The following FILIP1L variants were observed in gnomAD, a reference collection of about 807,000 sequenced individuals.
FILIP1L encodes the protein filamin A interacting protein 1 like.
A neutral mutation model predicts 96.6 loss-of-function variants in FILIP1L; 55 were observed. The ratio of observed to expected loss-of-function variants is 0.57; its 90% CI spans 0.46 to 0.71. FILIP1L has a LOEUF of 0.71. Ranked by LOEUF, FILIP1L falls within the 30% of genes least tolerant of loss-of-function variation. The probability of loss-of-function intolerance (pLI) is 0.00; values close to 1 mark genes in which losing one functional copy is unlikely to be tolerated. For synonymous variants in FILIP1L, 467 were observed against 473.9 expected, an observed-to-expected ratio of 0.99 and a Z score of 0.19; for missense variants, 1,304 against 1,321.2, an observed-to-expected ratio of 0.99 and a Z score of 0.20.
intron 4 of FILIP1L, chr3:99,876,313 C>T (rs944816819): frequency 5.4e-6 from 3 of 560,666 alleles, no homozygotes; most frequent in African/African-American, 4.1e-5. Context: ...CAGCCACACA[C>T]CCCAGCTCCC....
At chr3:99,969,511 A>G (rs1386025439) in intron 1 of FILIP1L, among the ~76,000 whole-genome samples, 1 of 152,194 alleles carries the variant, frequency 6.6e-6, no homozygotes, top group African/African-American at 2.4e-5. Context: ...CTACGTTTGA[A>G]TTGATTCTAA....
At chr3:99,839,905 G>A (rs1295544728) in intron 5 of FILIP1L, among the ~76,000 whole-genome samples, 3 of 152,266 alleles carry the variant, frequency 2.0e-5, no homozygotes, top group African/African-American at 7.2e-5. Context: ...TTCCCACAGT[G>A]TTATATAAGA....
chr3:99,998,110 G>A (rs1475301746), intron 1 of FILIP1L, among the ~76,000 whole-genome samples: 2 of 152,158 alleles, frequency 1.3e-5, no homozygotes, highest in East Asian at 3.8e-4. Context: ...CGGAAATTCA[G>A]AATCATAGTG....
chr3:99,983,741 G>T lies in FILIP1L; in HGVS notation c.-10-52711C>A, dbSNP rs186644458. ...ACCACATTATTTACCTAGAATCTCT[G>T]TTTCCAACTGTTCAGACCCCAATAT... is the stretch of plus-strand genomic sequence containing the variant. On this transcript the variant is annotated intron_variant, in intron 1 of 5. Transcript: ENST00000477258. Among the ~76,000 whole-genome samples the T allele has an allele frequency of 6.0e-5, 9 of 150,242 alleles. No homozygotes were observed. The East Asian group carries it at 1.7e-3, about 29-fold the overall frequency.
chr3:100,105,319 A>G (rs2066375855), intron 1 of FILIP1L, among the ~76,000 whole-genome samples: 1 of 152,192 alleles, frequency 6.6e-6, no homozygotes, highest in Non-Finnish European at 1.5e-5. Flanking sequence ...TACTCAGGAA[A>G]GACATGAGCA....
At chr3:99,912,951 C>G (rs933953057) in intron 4 of FILIP1L, among the ~76,000 whole-genome samples, 3 of 152,084 alleles carry the variant, frequency 2.0e-5, no homozygotes, top group Admixed American at 2.0e-4. Flanking sequence ...AATCATAACT[C>G]CCAATGTGAT....
At chr3:100,095,080 T>C (rs1258571812) in intron 1 of FILIP1L, among the ~76,000 whole-genome samples, 1 of 152,222 alleles carries the variant, frequency 6.6e-6, no homozygotes, top group East Asian at 1.9e-4. Context: ...TTCTCTGTTC[T>C]TTTTCATTGA....
chr3:99,947,509 C>G (rs1221746341), intron 1 of FILIP1L, among the ~76,000 whole-genome samples: 2 of 152,128 alleles, frequency 1.3e-5, no homozygotes, highest in Non-Finnish European at 2.9e-5. Flanking sequence ...CCAGAAGGGA[C>G]CCAGAGCTAA....
intron 1 of FILIP1L, among the ~76,000 whole-genome samples, chr3:100,005,305 C>T (rs569494131): frequency 1.3e-5 from 2 of 152,286 alleles, no homozygotes; most frequent in African/African-American, 2.4e-5. Context: ...TGACTACTGT[C>T]ACTCAAACAG....
intron 4 of FILIP1L, among the ~76,000 whole-genome samples, chr3:99,911,315 A>G (rs768996613): frequency 6.7e-6 from 1 of 148,340 alleles, no homozygotes; most frequent in Non-Finnish European, 1.5e-5. Flanking sequence ...TTGTTATTAT[A>G]TATTATATAA....
In FILIP1L at chr3:99,930,781, C is replaced by T. The variant is rs1206436447; in HGVS notation, c.240G>A (p.Glu80=). Residue 80 remains glutamate (E), a synonymous_variant, in exon 2 of 6, where the codon GAG becomes GAA. Coordinates refer to ENST00000477258, the MANE Select transcript of FILIP1L (RefSeq NM_001387850.1). ...DDLLFLLSIL[E]GELQARDEVI... is the part of the protein sequence containing the mutation. Reference sequence around the variant, plus strand: ...CAACCCAGCTGACCTGCAGTTCTCCCTCCAGAATGCTGAGGAGAAATAACA... The same window carrying T: ...CAACCCAGCTGACCTGCAGTTCTCCTTCCAGAATGCTGAGGAGAAATAACA... 6 of 1,613,178 alleles carry T rather than the reference C, an allele frequency of 3.7e-6. No individual in the cohort carries two copies. The highest frequency in any genetic ancestry group is 4.2e-6 in the Non-Finnish European group (5 of 1,179,838).
At chr3:99,876,167 A>G in intron 4 of FILIP1L, 1 of 985,616 alleles carries the variant, frequency 1.0e-6, no homozygotes, top group Non-Finnish European at 1.2e-6. Flanking sequence ...AGTCGCCCGA[A>G]CAATGCGAGC....
intron 1 of FILIP1L, chr3:100,011,626 A>T (rs1449097631): frequency 6.6e-6 from 1 of 152,230 alleles, no homozygotes; most frequent in African/African-American, 2.4e-5. Flanking sequence ...TGAATATTGG[A>T]TGAAGCAGTG....
intron 1 of FILIP1L, among the ~76,000 whole-genome samples, chr3:100,076,815 G>T (rs1187274201): frequency 9.2e-5 from 14 of 152,156 alleles, no homozygotes; most frequent in Non-Finnish European, 2.1e-4. Flanking sequence ...AAGATCTTTT[G>T]TGCAGCCTGG....
intron 1 of FILIP1L, among the ~76,000 whole-genome samples, chr3:100,064,916 A>G (rs1174213718): frequency 6.6e-6 from 1 of 152,174 alleles, no homozygotes. Flanking sequence ...ACTAACAAAC[A>G]TGTATTGCTG....
At chr3:99,914,517 A>G (rs1289579990) in intron 4 of FILIP1L, among the ~76,000 whole-genome samples, 1 of 152,234 alleles carries the variant, frequency 6.6e-6, no homozygotes, top group African/African-American at 2.4e-5. Flanking sequence ...CATTCACTTT[A>G]TACTCTTTAC....
At chr3:99,870,763 C>T (rs1944748138) in intron 4 of FILIP1L, among the ~76,000 whole-genome samples, 1 of 152,172 alleles carries the variant, frequency 6.6e-6, no homozygotes, top group African/African-American at 2.4e-5. Context: ...GGGAGATACA[C>T]TGGTTTACCC....
At chr3:99,861,757 A>G (rs1182709160) in intron 4 of FILIP1L, among the ~76,000 whole-genome samples, 2 of 152,170 alleles carry the variant, frequency 1.3e-5, no homozygotes, top group African/African-American at 2.4e-5. Flanking sequence ...ACCAATAGGA[A>G]CGAGACAGTG....
At chr3:100,037,184 A>C (rs981823723) in intron 1 of FILIP1L, among the ~76,000 whole-genome samples, 2 of 151,090 alleles carry the variant, frequency 1.3e-5, no homozygotes, top group Non-Finnish European at 2.9e-5. Flanking sequence ...CCTGATTTTG[A>C]TCATTGTGGA....
Sources: gnomAD v4.1 joint callset for allele counts (sites outside exome capture counted in the v4.1 genomes callset) on GRCh38, gnomAD v4.1.1 for gene constraint, MANE v1.5 for transcripts, NCBI Gene and HGNC (gene_info 2026-07-23, HGNC 2026-07-21) for gene names.